Variants in LRRK1 observed in about 807,000 individuals in gnomAD.
LRRK1 encodes leucine rich repeat kinase 1.
Under a neutral mutation model 209.1 loss-of-function variants are expected in LRRK1, and 113 were observed. The observed-to-expected ratio is 0.54, with a 90% CI of 0.46 to 0.63. The LOEUF is 0.63. LRRK1 is among the 30% of genes least tolerant of loss of function. The pLI is 0.00. For synonymous variants in LRRK1, 1,144 were observed against 1,099.7 expected (o/e 1.04, Z -0.80); for missense variants, 2,284 against 2,632.2 (o/e 0.87, Z 2.89).
rs2033540629 is a variant in LRRK1 at position 101,016,369 on chromosome 15, A to C, written c.1609+967A>C. Among the ~76,000 whole-genome samples, 3 of 151,576 alleles carry C rather than the reference A, an allele frequency of 2.0e-5. No homozygotes were observed. In the South Asian group the frequency reaches 6.3e-4, roughly 32 times the overall value. ...GACAGTGCTGGCGCCCTCCTCTCAG[A>C]TATCCAGGGTTTCACCATGTTGGCC... is the stretch of plus-strand genomic sequence containing the variant. On this transcript the variant is annotated intron_variant, in intron 12 of 33. Coordinates refer to ENST00000388948, the MANE Select transcript of LRRK1 (RefSeq NM_024652.6).
chr15:101,049,027 G>A (rs1359514776), intron 22 of LRRK1, among the ~76,000 whole-genome samples: 1 of 152,174 alleles, frequency 6.6e-6, no homozygotes, highest in East Asian at 1.9e-4. Context: ...GAGAAGCCAG[G>A]CTGGGGACAG....
chr15:101,016,039 G>A (rs1025971619), intron 12 of LRRK1, among the ~76,000 whole-genome samples: 4 of 151,330 alleles, frequency 2.6e-5, no homozygotes, highest in South Asian at 2.1e-4. Context: ...GCCCAGGCTG[G>A]AGTGCAGTGG....
At chr15:100,985,763 A>G (rs2031832364) in intron 4 of LRRK1, among the ~76,000 whole-genome samples, 1 of 152,230 alleles carries the variant, frequency 6.6e-6, no homozygotes. Context: ...GGACTGAAGG[A>G]TTTCAGACCA....
At position 100,947,810 on chromosome 15, in the gene LRRK1, A is replaced by G. The variant is rs370103122; in HGVS notation, c.97+23081A>G. 1.0e-3 allele frequency among the ~76,000 whole-genome samples: 153 copies of G among 152,370 alleles called. 3 individuals carry two copies. The highest frequency in any genetic ancestry group is 3.6e-3 in the African/African-American group (150 of 41,586). ...GCAGAAGAACTTTCAAGCAGGAAAA[A>G]CAAGATGCAGAACATGATTATCGTA... On this transcript the variant is annotated intron_variant, in intron 2 of 33. Transcript: ENST00000388948.
chr15:100,946,070 A>G (rs2042534940), intron 2 of LRRK1, among the ~76,000 whole-genome samples: 1 of 152,196 alleles, frequency 6.6e-6, no homozygotes, highest in Non-Finnish European at 1.5e-5. Flanking sequence ...CTACCTAAGA[A>G]CACCTTAAAC....
At chr15:100,950,915 A>G (rs188282457) in intron 2 of LRRK1, among the ~76,000 whole-genome samples, 3 of 152,112 alleles carry the variant, frequency 2.0e-5, no homozygotes, top group Admixed American at 6.5e-5. Flanking sequence ...CATCCTGGCT[A>G]ACACGGTGAA....
chr15:100,929,280 C>A (rs945697162), intron 2 of LRRK1, among the ~76,000 whole-genome samples: 1 of 152,100 alleles, frequency 6.6e-6, no homozygotes, highest in Admixed American at 6.5e-5. Flanking sequence ...CTCGCCCCCC[C>A]AGCTCTCTGT....
rs538712445 is a variant in LRRK1 at position 100,958,733 on chromosome 15, C to A, written c.98-15071C>A. 4.6e-5 allele frequency among the ~76,000 whole-genome samples: 7 copies of A among 152,240 alleles called. No homozygotes were observed. In the South Asian group the frequency reaches 1.5e-3, roughly 32 times the overall value. On this transcript the variant is annotated intron_variant, in intron 2 of 33. Transcript: ENST00000388948. ...ACTTCTCGTGCTTCCATCCACTTGA[C>A]CCTCACAATAACCCCTCTGAAGTAG...
chr15:101,011,367 G>A (rs896526671), intron 9 of LRRK1, among the ~76,000 whole-genome samples: 5 of 151,210 alleles, frequency 3.3e-5, no homozygotes, highest in African/African-American at 1.2e-4. Context: ...TCCCAGCTAC[G>A]CAGGAGGCTG....
At chr15:101,025,486 G>A (rs1340301679) in intron 16 of LRRK1, among the ~76,000 whole-genome samples, 4 of 152,234 alleles carry the variant, frequency 2.6e-5, no homozygotes, top group Non-Finnish European at 5.9e-5. Flanking sequence ...GAAGAAAAGA[G>A]GTTCATTTGG....
intron 20 of LRRK1, among the ~76,000 whole-genome samples, chr15:101,032,888 T>C (rs2034343523): frequency 6.6e-6 from 1 of 152,246 alleles, no homozygotes; most frequent in Non-Finnish European, 1.5e-5. Context: ...CACTGATTAT[T>C]GTAGCTTTAG....
In LRRK1 at chr15:101,069,009, G is replaced by C. The variant is rs62021239; in HGVS notation, c.*161G>C. ...AGTGCTGAGAAGTTACTCGCCTGGC[G>C]GTGGCTCCAGGGTTCTCTGGTTCTC... On this transcript the variant is annotated 3_prime_UTR_variant, in exon 34 of 34. Coordinates refer to ENST00000388948, the MANE Select transcript of LRRK1 (RefSeq NM_024652.6). 1 of 644,926 alleles carries C rather than the reference G, an allele frequency of 1.6e-6. No homozygotes were observed. Among genetic ancestry groups the C allele is most frequent in the African/African-American group, 1.9e-5 (1 of 53,874 alleles). 40.0% of individuals were successfully genotyped at this position (644,926 alleles called of 1,614,324 possible). A position where few individuals can be genotyped will look rare whatever the true frequency, so the allele number is the denominator to read the frequency against.
chr15:101,018,392 AC>A (rs2033639157), intron 12 of LRRK1, among the ~76,000 whole-genome samples: 1 of 152,222 alleles, frequency 6.6e-6, no homozygotes, highest in African/African-American at 2.4e-5. Flanking sequence ...TAGGGATTTC[AC>A]TTAGAAGGAA....
chr15:100,999,402 G>A (rs2032584365), intron 6 of LRRK1, among the ~76,000 whole-genome samples: 1 of 152,074 alleles, frequency 6.6e-6, no homozygotes, highest in African/African-American at 2.4e-5. Flanking sequence ...TCTCTGATAG[G>A]GTGTGCTGTG....
At chr15:100,974,723 A>G (rs2031192174) in intron 3 of LRRK1, among the ~76,000 whole-genome samples, 1 of 152,162 alleles carries the variant, frequency 6.6e-6, no homozygotes, top group Non-Finnish European at 1.5e-5. Context: ...TTTTCTTAGC[A>G]TAGATCTGCA....
At chr15:100,943,089 A>G (rs1325691375) in intron 2 of LRRK1, among the ~76,000 whole-genome samples, 1 of 152,200 alleles carries the variant, frequency 6.6e-6, no homozygotes, top group African/African-American at 2.4e-5. Context: ...GATCTTATAT[A>G]AAGACTCCTG....
At chr15:100,949,002 A>G (rs2042594981) in intron 2 of LRRK1, among the ~76,000 whole-genome samples, 1 of 152,154 alleles carries the variant, frequency 6.6e-6, no homozygotes, top group African/African-American at 2.4e-5. Flanking sequence ...AGCAAGTAGA[A>G]GGAAGGAAAT....
Position 100,973,907 on chromosome 15 carries a change from C to T in LRRK1, c.201C>T (p.Arg67=), listed in dbSNP as rs1215105341. Residue 67 remains arginine, a synonymous_variant, in exon 3 of 34, where the codon CGC becomes CGT. Transcript: ENST00000388948. The stretch of plus-strand genomic sequence containing the variant: ...GCGCCGCGTACAGGCGGGGAGACCG[C>T]GGCGGCGCCCGGGACCTGCTGGAGG... ...GIRAAYRRGD[R]GGARDLLEEA... 3 of 1,266,878 alleles carry T rather than the reference C, an allele frequency of 2.4e-6. No homozygotes were observed. Among genetic ancestry groups the T allele is most frequent in the African/African-American group, 3.1e-5 (2 of 64,558 alleles). The allele number at this position is 1,266,878 out of a possible 1,614,324, so 78.5% of individuals were successfully genotyped here. A position where few individuals can be genotyped will look rare whatever the true frequency, so the allele number is the denominator to read the frequency against.
intron 2 of LRRK1, among the ~76,000 whole-genome samples, chr15:100,955,419 G>A (rs1388633585): frequency 6.6e-6 from 1 of 152,194 alleles, no homozygotes; most frequent in Non-Finnish European, 1.5e-5. Context: ...TAGGTTTTCT[G>A]CATATAAGAT....
Sources: gnomAD v4.1 joint callset for allele counts (sites outside exome capture counted in the v4.1 genomes callset) on GRCh38, gnomAD v4.1.1 for gene constraint, MANE v1.5 for transcripts, NCBI Gene and HGNC (gene_info 2026-07-23, HGNC 2026-07-21) for gene names.